KCNIP4: variants seen among roughly 807,000 people sequenced by gnomAD.
KCNIP4 encodes Kv channel-interacting protein 4.
Under a neutral mutation model 34.0 loss-of-function variants are expected in KCNIP4, and 12 were observed. That is an observed-to-expected ratio of 0.35 (90% CI 0.23 to 0.57). The LOEUF is 0.57. Ranked by LOEUF, KCNIP4 falls within the 20% of genes least tolerant of loss-of-function variation. The pLI, the probability that KCNIP4 is intolerant of heterozygous loss-of-function variation, is 0.83. For missense variants in KCNIP4, 238 were observed against 311.7 expected, an observed-to-expected ratio of 0.76 and a Z score of 1.78; for synonymous variants, 124 against 102.2, an observed-to-expected ratio of 1.21 and a Z score of -1.29.
At chr4:21,231,821 A>G (rs1305734855) in intron 1 of KCNIP4, among the ~76,000 whole-genome samples, 2 of 152,132 alleles carry the variant, frequency 1.3e-5, no homozygotes, top group East Asian at 3.9e-4. Flanking sequence ...TTGCAATAAC[A>G]TTAATAATTT....
intron 1 of KCNIP4, among the ~76,000 whole-genome samples, chr4:21,438,828 G>A (rs78806197): frequency 1.3e-5 from 2 of 152,064 alleles, no homozygotes; most frequent in African/African-American, 2.4e-5. Context: ...AATTTCAGGG[G>A]TACAGCCAAG....
At chr4:21,271,806 A>G (rs1762161426) in intron 1 of KCNIP4, among the ~76,000 whole-genome samples, 1 of 152,206 alleles carries the variant, frequency 6.6e-6, no homozygotes, top group Non-Finnish European at 1.5e-5. Context: ...ACAGGAAAGG[A>G]AAGTAATTAT....
chr4:21,009,436 C>T (rs564783329), intron 1 of KCNIP4, among the ~76,000 whole-genome samples: 4 of 152,116 alleles, frequency 2.6e-5, no homozygotes, highest in Non-Finnish European at 5.9e-5. Context: ...CTTTCCTTTA[C>T]TGTGTTAAGG....
At chr4:21,736,489 T>A (rs1715998915) in intron 1 of KCNIP4, among the ~76,000 whole-genome samples, 1 of 152,238 alleles carries the variant, frequency 6.6e-6, no homozygotes, top group Non-Finnish European at 1.5e-5. Context: ...TCCTCAGATA[T>A]TTGTGTCCCA....
chr4:20,968,661 G>A (rs2149673124), intron 1 of KCNIP4, among the ~76,000 whole-genome samples: 1 of 151,718 alleles, frequency 6.6e-6, no homozygotes, highest in South Asian at 2.1e-4. Context: ...ATCATTCTCA[G>A]CAAACTGTCA....
At position 21,528,013 on chromosome 4, in the gene KCNIP4, T is replaced by C. The variant is rs190233197; in HGVS notation, c.61+420558A>G. Among the ~76,000 whole-genome samples the C allele has an allele frequency of 2.6e-4, 40 of 152,308 alleles. No homozygotes were observed. The East Asian group carries it at 7.5e-3, about 29-fold the overall frequency. On this transcript the variant is annotated intron_variant, in intron 1 of 8. Transcript: ENST00000382152. The stretch of plus-strand genomic sequence containing the variant: ...TGTATTCCTTACTTCCTGAAGGAAC[T>C]GCCACGGGGTCGGTCCTAATCAGCA...
At chr4:21,052,703 T>A in intron 1 of KCNIP4, among the ~76,000 whole-genome samples, 1 of 152,156 alleles carries the variant, frequency 6.6e-6, no homozygotes, top group East Asian at 1.9e-4. Flanking sequence ...AACCTCTCAA[T>A]GCTGTTTCCC....
chr4:21,614,561 A>G (rs1045518025), intron 1 of KCNIP4, among the ~76,000 whole-genome samples: 1 of 148,298 alleles, frequency 6.7e-6, no homozygotes, highest in Non-Finnish European at 1.5e-5. Context: ...ATTAAATCAA[A>G]TATACATTAT....
chr4:21,815,441 C>T (rs1003785892), intron 1 of KCNIP4, among the ~76,000 whole-genome samples: 1 of 152,024 alleles, frequency 6.6e-6, no homozygotes, highest in Admixed American at 6.6e-5. Context: ...ACCATCATCA[C>T]TCTTAGTACG....
chr4:20,840,176 CT>C (rs1315029238), intron 3 of KCNIP4, among the ~76,000 whole-genome samples: 2 of 152,272 alleles, frequency 1.3e-5, no homozygotes, highest in Admixed American at 6.5e-5. Flanking sequence ...TAAGCACTTC[CT>C]GTGAGACTTC....
intron 1 of KCNIP4, among the ~76,000 whole-genome samples, chr4:20,960,910 T>C (rs1160261353): frequency 6.6e-6 from 1 of 152,154 alleles, no homozygotes; most frequent in African/African-American, 2.4e-5. Flanking sequence ...TAATAAGACA[T>C]TGGAGACTGA....
chr4:21,713,913 A>C (rs1401555408), intron 1 of KCNIP4, among the ~76,000 whole-genome samples: 1 of 152,186 alleles, frequency 6.6e-6, no homozygotes, highest in Non-Finnish European at 1.5e-5. Context: ...ATCACTCAAA[A>C]AAATTATAAA....
chr4:20,804,102 A>C (rs933624633), intron 3 of KCNIP4, among the ~76,000 whole-genome samples: 2 of 152,198 alleles, frequency 1.3e-5, no homozygotes, highest in Non-Finnish European at 2.9e-5. Context: ...ACTAACGGTG[A>C]CTAATATTAG....
At chr4:21,761,591 G>A (rs1401129490) in intron 1 of KCNIP4, among the ~76,000 whole-genome samples, 2 of 150,406 alleles carry the variant, frequency 1.3e-5, no homozygotes, top group Admixed American at 6.6e-5. Flanking sequence ...TAATTAAAAT[G>A]CAATATATAA....
intron 1 of KCNIP4, among the ~76,000 whole-genome samples, chr4:21,615,898 T>C (rs1183207409): frequency 2.0e-5 from 3 of 152,234 alleles, no homozygotes; most frequent in Admixed American, 6.5e-5. Context: ...GAGCAATCCT[T>C]GTCTCTTGCC....
At chr4:21,579,145 T>C (rs982592197) in intron 1 of KCNIP4, among the ~76,000 whole-genome samples, 2 of 152,168 alleles carry the variant, frequency 1.3e-5, no homozygotes, top group Non-Finnish European at 2.9e-5. Context: ...AAAAACCCAC[T>C]GCTCTGCTGT....
At chr4:20,864,172 ACACATGTATG>A (rs1560525581) in intron 2 of KCNIP4, among the ~76,000 whole-genome samples, 5 of 71,942 alleles carry the variant, frequency 7.0e-5, no homozygotes, top group African/African-American at 1.4e-4. Flanking sequence ...ATGTATGTAT[ACACATGTATG>A]TATGCGTACA....
intron 1 of KCNIP4, among the ~76,000 whole-genome samples, chr4:21,240,801 A>G (rs1480378641): frequency 6.6e-6 from 1 of 152,350 alleles, no homozygotes; most frequent in Admixed American, 6.5e-5. Flanking sequence ...ATGATGCCTT[A>G]TAGGCAGCCA....
chr4:20,961,580 A>G (rs1378019602), intron 1 of KCNIP4, among the ~76,000 whole-genome samples: 1 of 152,234 alleles, frequency 6.6e-6, no homozygotes, highest in Admixed American at 6.5e-5. Context: ...CTCAATTTCC[A>G]TTAGTGTTTC....
Sources: allele counts gnomAD v4.1 joint callset (sites outside exome capture counted in the v4.1 genomes callset), GRCh38; gene constraint gnomAD v4.1.1; transcripts MANE v1.5; gene names NCBI Gene and HGNC (gene_info 2026-07-23, HGNC 2026-07-21).